SLC10A7: variants seen among roughly 807,000 people sequenced by gnomAD.
SLC10A7 encodes the protein solute carrier family 10 member 7.
SLC10A7 carries 29 observed loss-of-function variants against 43.2 expected under a neutral mutation model. The observed-to-expected ratio is 0.67, with a 90% CI of 0.50 to 0.92. The LOEUF is 0.92. SLC10A7 is among the 40% of genes least tolerant of loss of function. The pLI, the probability that SLC10A7 is intolerant of heterozygous loss-of-function variation, is 0.00. For synonymous variants in SLC10A7, 152 were observed against 144.8 expected (o/e 1.05, Z -0.35); for missense variants, 295 against 403.2 (o/e 0.73, Z 2.30).
At chr4:146,432,791 G>C (rs1729875752) in intron 5 of SLC10A7, among the ~76,000 whole-genome samples, 1 of 152,104 alleles carries the variant, frequency 6.6e-6, no homozygotes, top group African/African-American at 2.4e-5. Context: ...TGTAATCCCA[G>C]AACTTTGGGA....
chr4:146,458,002 T>C (rs532995849), intron 4 of SLC10A7, among the ~76,000 whole-genome samples: 4 of 151,894 alleles, frequency 2.6e-5, no homozygotes, highest in South Asian at 2.1e-4. Flanking sequence ...ACTAACCTGA[T>C]ACCAAAATCA....
At chr4:146,370,107 G>C (rs1736665862) in intron 5 of SLC10A7, among the ~76,000 whole-genome samples, 1 of 152,086 alleles carries the variant, frequency 6.6e-6, no homozygotes, top group Admixed American at 6.6e-5. Context: ...ATTTCTGGCA[G>C]TTATTTGATA....
intron 4 of SLC10A7, among the ~76,000 whole-genome samples, chr4:146,497,516 G>A (rs776498047): frequency 3.3e-5 from 5 of 152,034 alleles, no homozygotes; most frequent in Non-Finnish European, 2.9e-5. Context: ...TTGCAAAGTT[G>A]TATAGCTTTG....
At chr4:146,492,957 A>C (rs2150009338) in intron 4 of SLC10A7, among the ~76,000 whole-genome samples, 1 of 152,322 alleles carries the variant, frequency 6.6e-6, no homozygotes, top group East Asian at 1.9e-4. Context: ...GATGGGGCCA[A>C]AAGAAGCAGC....
intron 8 of SLC10A7, 138 bp downstream of exon 8, chr4:146,293,792 C>T (rs886730501): frequency 2.0e-6 from 1 of 508,804 alleles, no homozygotes; most frequent in Non-Finnish European, 3.3e-6. Context: ...AATAAAGTCA[C>T]TGAGTAAATG....
At chr4:146,338,335 T>G (rs10013722) in intron 5 of SLC10A7, among the ~76,000 whole-genome samples, 20,626 of 151,884 alleles carry the variant, frequency 0.14, 1,444 homozygotes, top group Non-Finnish European at 0.15. Context: ...CATTTGGTCC[T>G]CACAACAAAC....
intron 5 of SLC10A7, chr4:146,408,777 C>T (rs1323117869): frequency 6.6e-6 from 1 of 152,044 alleles, no homozygotes; most frequent in Non-Finnish European, 1.5e-5. Flanking sequence ...GGAATATCAA[C>T]CCTCTTGTTC....
At chr4:146,458,100 T>C (rs1480637395) in intron 4 of SLC10A7, among the ~76,000 whole-genome samples, 4 of 151,776 alleles carry the variant, frequency 2.6e-5, no homozygotes, top group African/African-American at 9.7e-5. Context: ...TAATTTAACC[T>C]AGCAATATAT....
At chr4:146,320,854 A>C (rs1016218059) in intron 6 of SLC10A7, among the ~76,000 whole-genome samples, 26 of 152,004 alleles carry the variant, frequency 1.7e-4, no homozygotes, top group African/African-American at 5.6e-4. Flanking sequence ...CATTTTATGG[A>C]GAACGCATGG....
chr4:146,419,287 T>C (rs1205505251), intron 5 of SLC10A7, among the ~76,000 whole-genome samples: 1 of 152,174 alleles, frequency 6.6e-6, no homozygotes, highest in Non-Finnish European at 1.5e-5. Flanking sequence ...GCCCAGATCC[T>C]GCAACTATCT....
chr4:146,299,540 C>A (rs532254676), intron 7 of SLC10A7, among the ~76,000 whole-genome samples: 1 of 152,066 alleles, frequency 6.6e-6, no homozygotes, highest in South Asian at 2.1e-4. Flanking sequence ...ATGTGAAAGG[C>A]GGCAAGGTGT....
intron 9 of SLC10A7, among the ~76,000 whole-genome samples, chr4:146,289,672 A>G (rs1208330898): frequency 6.6e-6 from 1 of 150,766 alleles, no homozygotes; most frequent in Non-Finnish European, 1.5e-5. Flanking sequence ...TGTATTACAA[A>G]GTAGCAAAGC....
intron 5 of SLC10A7, among the ~76,000 whole-genome samples, chr4:146,384,159 T>C (rs920617894): frequency 6.6e-6 from 1 of 152,160 alleles, no homozygotes; most frequent in Non-Finnish European, 1.5e-5. Flanking sequence ...ACAATGTCAA[T>C]TATTAAAGTC....
At chr4:146,448,176 C>T (rs187265850) in intron 4 of SLC10A7, among the ~76,000 whole-genome samples, 14 of 151,478 alleles carry the variant, frequency 9.2e-5, no homozygotes, top group Admixed American at 9.2e-4. Flanking sequence ...ATGTAACAAA[C>T]CTGCACATTG....
intron 5 of SLC10A7, among the ~76,000 whole-genome samples, chr4:146,407,631 T>C (rs920937659): frequency 6.6e-6 from 1 of 152,232 alleles, no homozygotes; most frequent in African/African-American, 2.4e-5. Flanking sequence ...TATTCTAAAA[T>C]TGAAGATAAT....
intron 4 of SLC10A7, among the ~76,000 whole-genome samples, chr4:146,451,509 A>G (rs2149913299): frequency 6.6e-6 from 1 of 152,262 alleles, no homozygotes; most frequent in South Asian, 2.1e-4. Flanking sequence ...ATCCAACAGC[A>G]CATCAAAACA....
At chr4:146,340,972 C>T (rs1323133228) in intron 5 of SLC10A7, among the ~76,000 whole-genome samples, 1 of 151,664 alleles carries the variant, frequency 6.6e-6, no homozygotes, top group African/African-American at 2.4e-5. Context: ...TAGAGGGCAA[C>T]TTCTACACAC....
At chr4:146,520,587 G>A (rs1020490214) in intron 1 of SLC10A7, among the ~76,000 whole-genome samples, 11 of 152,176 alleles carry the variant, frequency 7.2e-5, no homozygotes, top group Non-Finnish European at 1.2e-4. Context: ...GTTCTCCTAA[G>A]AGATCATTTC....
chr4:146,444,266 C>T (rs1730847720), intron 4 of SLC10A7, among the ~76,000 whole-genome samples: 1 of 152,132 alleles, frequency 6.6e-6, no homozygotes, highest in South Asian at 2.1e-4. Flanking sequence ...ATATTTAGAT[C>T]CTATTTTGTG....
Sources: gnomAD v4.1 joint callset for allele counts (sites outside exome capture counted in the v4.1 genomes callset) on GRCh38, gnomAD v4.1.1 for gene constraint, MANE v1.5 for transcripts, NCBI Gene and HGNC (gene_info 2026-07-23, HGNC 2026-07-21) for gene names.